The following TF variants were observed in gnomAD, a reference collection of about 807,000 sequenced individuals.
TF encodes the protein transferrin.
A neutral mutation model predicts 82.4 loss-of-function variants in TF; 55 were observed. The observed-to-expected ratio is 0.67, with a 90% CI of 0.54 to 0.84. The LOEUF (loss-of-function observed/expected upper bound fraction) is 0.84, where lower values mean the gene tolerates loss of function less well. Ranked by LOEUF, TF falls within the 40% of genes least tolerant of loss-of-function variation. The pLI, the probability that TF is intolerant of heterozygous loss-of-function variation, is 0.00. For synonymous variants in TF, 332 were observed against 332.6 expected (o/e 1.00, Z 0.02); for missense variants, 737 against 868.4 (o/e 0.85, Z 1.90).
At chr3:133,673,506 G>A in the TF span, among the ~76,000 whole-genome samples, 1 of 152,214 alleles carries the variant, frequency 6.6e-6, no homozygotes, top group Non-Finnish European at 1.5e-5. Context: ...CATACACAGT[G>A]TAGAATGTGC....
Position 133,770,811 on chromosome 3 carries a change from C to G in TF, c.1687+239C>G, listed in dbSNP as rs1219963108. On this transcript the variant is annotated intron_variant, in intron 14 of 16. Coordinates refer to ENST00000402696, the MANE Select transcript of TF (RefSeq NM_001063.4). Reference sequence around the variant, plus strand: ...CAACACACACTCCCACAGCTGCAAGCCTTGTGCTCCTTTCCCCTAAATACT... The same window carrying G: ...CAACACACACTCCCACAGCTGCAAGGCTTGTGCTCCTTTCCCCTAAATACT... 3 of 584,194 alleles carry G rather than the reference C, an allele frequency of 5.1e-6. No individual in the cohort carries two copies. The African/African-American group carries it at 5.6e-5, about 11-fold the overall frequency. The allele number at this position is 584,194 out of a possible 1,614,324, so 36.2% of individuals were successfully genotyped here. A position where few individuals can be genotyped will look rare whatever the true frequency, so the allele number is the denominator to read the frequency against.
intron 2 of TF, among the ~76,000 whole-genome samples, chr3:133,750,434 C>T (rs543048256): frequency 5.0e-5 from 7 of 140,618 alleles, no homozygotes; most frequent in Admixed American, 1.5e-4. Flanking sequence ...AGCCTGGCTT[C>T]CCTCAATCCC....
chr3:133,753,701 A>C lies in TF; in HGVS notation c.323A>C (p.Glu108Ala), dbSNP rs866628988. 5 of 1,613,140 alleles carry C rather than the reference A, an allele frequency of 3.1e-6. No individual in the cohort carries two copies. The highest frequency in any genetic ancestry group is 4.2e-6 in the Non-Finnish European group (5 of 1,179,186). Residue 108 changes from glutamate (E) to alanine (A), a missense_variant and splice_region_variant, in exon 3 of 17, where the codon GAG (glutamate) becomes GCG (alanine). Glu to Ala is a moderately radical substitution (Grantham distance 107). Transcript: ENST00000402696. The stretch of plus-strand genomic sequence containing the variant: ...GTGGCAGAGTTCTATGGGTCAAAAG[A>C]GGGTAAGTTCTCCCTGGGACCCCAG... ...PVVAEFYGSKEDPQTFYYAVA... is the reference protein window; with the variant it reads ...PVVAEFYGSKADPQTFYYAVA...
the TF span, among the ~76,000 whole-genome samples, chr3:133,732,548 T>G: frequency 6.6e-6 from 1 of 152,228 alleles, no homozygotes; most frequent in Non-Finnish European, 1.5e-5. Context: ...GTGGAAGTTT[T>G]ATTCTTTTGC....
At chr3:133,753,312 CG>C (rs1452392598) in intron 2 of TF, among the ~76,000 whole-genome samples, 1 of 152,182 alleles carries the variant, frequency 6.6e-6, no homozygotes, top group African/African-American at 2.4e-5. Context: ...TAATTGCCTA[CG>C]GTAAAGTCAC....
the TF span, among the ~76,000 whole-genome samples, chr3:133,663,114 C>T: frequency 6.6e-6 from 1 of 152,172 alleles, no homozygotes; most frequent in East Asian, 1.9e-4. Flanking sequence ...TGTCTGATCA[C>T]CTTGACCTAT....
At chr3:133,746,608 T>C in intron 1 of TF, 125 bp downstream of exon 1, 1 of 1,107,810 alleles carries the variant, frequency 9.0e-7, no homozygotes, top group Non-Finnish European at 1.3e-6. Context: ...TCTGGGTGCC[T>C]TTCCATTGCC....
At chr3:133,711,767 T>C in the TF span, among the ~76,000 whole-genome samples, 17 of 152,136 alleles carry the variant, frequency 1.1e-4, 1 homozygote, top group South Asian at 3.3e-3. Context: ...CCCAGCATTG[T>C]CTAAAACCCT....
At chr3:133,726,524 T>G in the TF span, among the ~76,000 whole-genome samples, 1 of 152,250 alleles carries the variant, frequency 6.6e-6, no homozygotes. Context: ...CATTTTATAT[T>G]GCATCTATTT....
intron 2 of TF, among the ~76,000 whole-genome samples, chr3:133,751,939 A>G (rs1403218018): frequency 6.6e-6 from 1 of 152,110 alleles, no homozygotes; most frequent in Non-Finnish European, 1.5e-5. Context: ...GGTTACAGTG[A>G]GCCGAGATTG....
At chr3:133,735,866 A>G in the TF span, among the ~76,000 whole-genome samples, 1 of 152,226 alleles carries the variant, frequency 6.6e-6, no homozygotes, top group Non-Finnish European at 1.5e-5. Flanking sequence ...AATGGAACCA[A>G]GCTGGAAAAG....
At chr3:133,732,729 G>A in the TF span, among the ~76,000 whole-genome samples, 1 of 152,142 alleles carries the variant, frequency 6.6e-6, no homozygotes, top group Non-Finnish European at 1.5e-5. Flanking sequence ...AGAAACTCTT[G>A]ACACACCGTC....
At chr3:133,698,405 A>T in the TF span, among the ~76,000 whole-genome samples, 1 of 152,216 alleles carries the variant, frequency 6.6e-6, no homozygotes, top group Non-Finnish European at 1.5e-5. Flanking sequence ...TGGTTTAAGC[A>T]ACATAAATAT....
chr3:133,746,348 C>T (rs1933496431), upstream of TF: 3 of 1,467,402 alleles, frequency 2.0e-6, no homozygotes, highest in Admixed American at 3.9e-5. Flanking sequence ...CCCAGCCCGC[C>T]CAGGCCGGGA....
chr3:133,708,726 A>G, the TF span, among the ~76,000 whole-genome samples: 45 of 150,128 alleles, frequency 3.0e-4, no homozygotes, highest in Non-Finnish European at 5.3e-4. Context: ...GTATAAATAC[A>G]TAGTATATAA....
At chr3:133,664,000 ACTC>A in the TF span, among the ~76,000 whole-genome samples, 4 of 152,048 alleles carry the variant, frequency 2.6e-5, no homozygotes, top group East Asian at 1.9e-4. Flanking sequence ...TCTAGTATCT[ACTC>A]CTGGAAAATG....
At chr3:133,667,959 T>C in the TF span, among the ~76,000 whole-genome samples, 5 of 152,238 alleles carry the variant, frequency 3.3e-5, no homozygotes, top group Non-Finnish European at 7.3e-5. Flanking sequence ...TAGAGTATCC[T>C]ACAACTCGCA....
At chr3:133,707,861 G>A in the TF span, among the ~76,000 whole-genome samples, 8 of 152,238 alleles carry the variant, frequency 5.3e-5, 1 homozygote, top group East Asian at 1.9e-4. Context: ...CAGGAGCAAG[G>A]CAAGAATGCC....
intron 9 of TF, chr3:133,761,333 C>T (rs975540626): frequency 6.3e-6 from 1 of 157,988 alleles, no homozygotes; most frequent in Non-Finnish European, 1.4e-5. Context: ...CTTGGCTCCT[C>T]TTCACCCCAG....
Sources: allele counts gnomAD v4.1 joint callset (sites outside exome capture counted in the v4.1 genomes callset), GRCh38; gene constraint gnomAD v4.1.1; transcripts MANE v1.5; gene names NCBI Gene and HGNC (gene_info 2026-07-23, HGNC 2026-07-21).